Variants in IFTAP observed in about 807,000 individuals in gnomAD.
The protein encoded by IFTAP is intraflagellar transport associated protein.
A neutral mutation model predicts 19.4 loss-of-function variants in IFTAP; 19 were observed. That is an observed-to-expected ratio of 0.98 (90% confidence interval 0.68 to 1.44). The LOEUF (loss-of-function observed/expected upper bound fraction) is 1.44. IFTAP is among the 40% of genes most tolerant of loss of function. The pLI, the probability that IFTAP is intolerant of heterozygous loss-of-function variation, is 0.00. For synonymous variants in IFTAP, 85 were observed against 83.5 expected, an observed-to-expected ratio of 1.02 and a Z score of -0.10; for missense variants, 240 against 253.6, an observed-to-expected ratio of 0.95 and a Z score of 0.36.
At chr11:36,625,193 A>G (rs1489523013) in intron 2 of IFTAP, among the ~76,000 whole-genome samples, 2 of 152,166 alleles carry the variant, frequency 1.3e-5, no homozygotes, top group African/African-American at 4.8e-5. Flanking sequence ...TGTAAAATAG[A>G]TATAATAACT....
chr11:36,612,174 G>C (rs2133382567), intron 2 of IFTAP, among the ~76,000 whole-genome samples: 1 of 152,052 alleles, frequency 6.6e-6, no homozygotes, highest in East Asian at 1.9e-4. Context: ...GAAAGAAACT[G>C]TTGCAGATGT....
At chr11:36,617,935 A>G (rs1004155086) in intron 2 of IFTAP, among the ~76,000 whole-genome samples, 8 of 152,026 alleles carry the variant, frequency 5.3e-5, no homozygotes, top group African/African-American at 1.9e-4. Flanking sequence ...CAAGTCTAAT[A>G]TTACTACTGA....
At chr11:36,601,971 T>A (rs1851525437) in intron 1 of IFTAP, among the ~76,000 whole-genome samples, 1 of 152,288 alleles carries the variant, frequency 6.6e-6, no homozygotes, top group East Asian at 1.9e-4. Flanking sequence ...TTTCTATCTT[T>A]GAGTATAGAA....
At chr11:36,644,055 A>G (rs1853354479) in intron 4 of IFTAP, among the ~76,000 whole-genome samples, 1 of 152,244 alleles carries the variant, frequency 6.6e-6, no homozygotes. Context: ...ATCAGAGTGA[A>G]CAGGCAACCT....
intron 2 of IFTAP, among the ~76,000 whole-genome samples, chr11:36,632,376 C>A (rs1852761286): frequency 6.6e-6 from 1 of 151,180 alleles, no homozygotes; most frequent in Admixed American, 6.6e-5. Context: ...CAGATTTTAA[C>A]CTACATTTGC....
chr11:36,642,790 T>G (rs1211697527), intron 4 of IFTAP, among the ~76,000 whole-genome samples: 1 of 152,162 alleles, frequency 6.6e-6, no homozygotes, highest in African/African-American at 2.4e-5. Flanking sequence ...AGAAAAGGCC[T>G]TTGACAAAAT....
chr11:36,607,564 C>G (rs530453150), intron 1 of IFTAP, among the ~76,000 whole-genome samples: 1 of 152,072 alleles, frequency 6.6e-6, no homozygotes, highest in African/African-American at 2.4e-5. Flanking sequence ...AGGTCTTGTC[C>G]CCAAATGCAT....
At chr11:36,639,951 CT>C (rs1454739643) in intron 4 of IFTAP, among the ~76,000 whole-genome samples, 22 of 152,214 alleles carry the variant, frequency 1.4e-4, no homozygotes, top group Non-Finnish European at 7.3e-5. Context: ...TAGGCCACCC[CT>C]GAACGACTAG....
intron 5 of IFTAP, among the ~76,000 whole-genome samples, chr11:36,652,481 A>G (rs1185645420): frequency 1.3e-5 from 2 of 152,188 alleles, no homozygotes; most frequent in African/African-American, 4.8e-5. Context: ...CTAGATAGAC[A>G]ATCATATCAT....
chr11:36,655,191 C>G (rs561716329), intron 5 of IFTAP, among the ~76,000 whole-genome samples: 17 of 152,266 alleles, frequency 1.1e-4, no homozygotes, highest in African/African-American at 3.9e-4. Flanking sequence ...CAATGCTCAC[C>G]TACTTTCAGA....
chr11:36,622,731 G>T (rs974269585), intron 2 of IFTAP, among the ~76,000 whole-genome samples: 3 of 152,074 alleles, frequency 2.0e-5, no homozygotes, highest in Non-Finnish European at 4.4e-5. Context: ...TATGATTGGG[G>T]TTCTATTTCT....
At chr11:36,652,130 A>C (rs1853764875) in intron 5 of IFTAP, among the ~76,000 whole-genome samples, 1 of 152,170 alleles carries the variant, frequency 6.6e-6, no homozygotes, top group Non-Finnish European at 1.5e-5. Context: ...TGAATCTATA[A>C]GTTACCTTGA....
intron 2 of IFTAP, among the ~76,000 whole-genome samples, chr11:36,631,153 C>T (rs1205770012): frequency 6.6e-6 from 1 of 151,454 alleles, no homozygotes; most frequent in Non-Finnish European, 1.5e-5. Flanking sequence ...ACCCCCAGCC[C>T]TCCACCCACA....
At chr11:36,603,070 C>T (rs1851567383) in intron 1 of IFTAP, among the ~76,000 whole-genome samples, 2 of 152,104 alleles carry the variant, frequency 1.3e-5, no homozygotes, top group African/African-American at 2.4e-5. Context: ...ACTTAGGTGA[C>T]CTGCCTCAGT....
intron 4 of IFTAP, among the ~76,000 whole-genome samples, chr11:36,644,612 A>G (rs1853393292): frequency 1.3e-5 from 2 of 152,286 alleles, no homozygotes; most frequent in East Asian, 1.9e-4. Context: ...ATGTCCAACA[A>G]TGATAGACTG....
Position 36,610,196 on chromosome 11 carries a change from A to G in IFTAP, c.93A>G (p.Thr31=). 1.2e-6 allele frequency: 2 copies of G among 1,610,754 alleles called. No individual in the cohort carries two copies. The highest frequency in any genetic ancestry group is 2.2e-5 in the East Asian group (1 of 44,818). The change falls in exon 2 of 6, where the codon ACA becomes ACG. Residue 31 remains threonine, a synonymous_variant. Coordinates refer to ENST00000334307, the MANE Select transcript of IFTAP (RefSeq NM_138787.4). ...AATTCCTTAATTGTCATGAGCAAAC[A>G]TATGATGAAGAATTTCTGAACACTT... The part of the protein sequence containing the change: ...LDKFLNCHEQ[T]YDEEFLNTFT...
chr11:36,612,658 T>A (rs756024061), intron 2 of IFTAP, among the ~76,000 whole-genome samples: 1 of 152,132 alleles, frequency 6.6e-6, no homozygotes, highest in Non-Finnish European at 1.5e-5. Flanking sequence ...TCACCATGCA[T>A]ACTTATGTAC....
intron 2 of IFTAP, among the ~76,000 whole-genome samples, chr11:36,612,429 A>G (rs1565009375): frequency 6.6e-6 from 1 of 152,086 alleles, no homozygotes; most frequent in Admixed American, 6.6e-5. Flanking sequence ...ACATTTAAAT[A>G]CCTTCTGAGA....
In IFTAP at chr11:36,659,250, A is replaced by T. The variant is rs148484429; in HGVS notation, c.*64A>T. 1.5e-6 allele frequency: 2 copies of T among 1,360,064 alleles called. No individual in the cohort carries two copies. Among genetic ancestry groups the T allele is most frequent in the Non-Finnish European group, 1.9e-6 (2 of 1,030,036 alleles). The allele number at this position is 1,360,064 out of a possible 1,614,324, so 84.2% of individuals were successfully genotyped here. On this transcript the variant is annotated 3_prime_UTR_variant, in exon 6 of 6. Transcript: ENST00000334307. ...TTTGTTCTTATTCTAGCAACATTAG[A>T]ATAAAAGATAAACCTACTATAATTC...
Sources: gnomAD v4.1 joint callset for allele counts (sites outside exome capture counted in the v4.1 genomes callset) on GRCh38, gnomAD v4.1.1 for gene constraint, MANE v1.5 for transcripts, NCBI Gene and HGNC (gene_info 2026-07-23, HGNC 2026-07-21) for gene names.